PRORP: variants seen among roughly 807,000 people sequenced by gnomAD.
PRORP encodes protein only RNase P catalytic subunit, also known as mitochondrial ribonuclease P catalytic subunit.
In PRORP, 51 loss-of-function variants were observed where a neutral mutation model predicts 59.4. That is an observed-to-expected ratio of 0.86 (90% CI 0.69 to 1.08). The LOEUF (loss-of-function observed/expected upper bound fraction) is 1.08. Ranked by LOEUF, PRORP falls within the 50% of genes least tolerant of loss-of-function variation. PRORP has a pLI of 0.00. For missense variants in PRORP, 646 were observed against 690.3 expected (o/e 0.94, Z 0.72); for synonymous variants, 231 against 245.6 (o/e 0.94, Z 0.55).
Position 35,155,092 on chromosome 14 carries a change from C to T in PRORP, c.1168-25578C>T, listed in dbSNP as rs972799590. 2.6e-5 allele frequency among the ~76,000 whole-genome samples: 4 copies of T among 152,182 alleles called. No homozygotes were observed. In the South Asian group the frequency reaches 6.2e-4, roughly 24 times the overall value. On this transcript the variant is annotated intron_variant, in intron 4 of 7. Coordinates refer to ENST00000534898, the MANE Select transcript of PRORP (RefSeq NM_014672.4). ...TACTTTTTGTAGAGAGGGGGTTTCA[C>T]CATGTTGCCCAGGCTGGTCTCGAAC... is the stretch of plus-strand genomic sequence containing the variant.
At chr14:35,201,683 C>A (rs1017455680) in intron 5 of PRORP, among the ~76,000 whole-genome samples, 3 of 151,810 alleles carry the variant, frequency 2.0e-5, no homozygotes, top group African/African-American at 7.3e-5. Context: ...ACTCTTATCA[C>A]CCAGGCTGGA....
At chr14:35,269,859 G>A (rs548942439) in intron 6 of PRORP, among the ~76,000 whole-genome samples, 1 of 152,310 alleles carries the variant, frequency 6.6e-6, no homozygotes, top group African/African-American at 2.4e-5. Flanking sequence ...TTGATGGTCT[G>A]TTGGAGGCTT....
chr14:35,134,278 G>T (rs2047320990), intron 4 of PRORP, among the ~76,000 whole-genome samples: 1 of 152,180 alleles, frequency 6.6e-6, no homozygotes, highest in Non-Finnish European at 1.5e-5. Context: ...AGCCCACAGG[G>T]AGTTCTGCCA....
chr14:35,191,348 G>T (rs187523487), intron 5 of PRORP, among the ~76,000 whole-genome samples: 1 of 152,166 alleles, frequency 6.6e-6, no homozygotes, highest in Non-Finnish European at 1.5e-5. Flanking sequence ...CCCAAGCCAC[G>T]TGGAACTGTG....
At chr14:35,212,648 G>A (rs185694909) in intron 5 of PRORP, among the ~76,000 whole-genome samples, 1 of 152,312 alleles carries the variant, frequency 6.6e-6, no homozygotes, top group African/African-American at 2.4e-5. Flanking sequence ...GGAAACAGAT[G>A]TGCCATCATC....
At chr14:35,187,431 T>TG (rs999024300) in intron 5 of PRORP, among the ~76,000 whole-genome samples, 1 of 150,264 alleles carries the variant, frequency 6.7e-6, no homozygotes, top group Non-Finnish European at 1.5e-5. Context: ...TTTCTTTGTT[T>TG]TTTTTTTTTT....
chr14:35,169,564 GTA>G (rs901056029), intron 4 of PRORP, among the ~76,000 whole-genome samples: 1 of 152,188 alleles, frequency 6.6e-6, no homozygotes, highest in African/African-American at 2.4e-5. Flanking sequence ...AGGCAAGAGA[GTA>G]TGTGAGAGCA....
At chr14:35,192,925 C>T (rs954154848) in intron 5 of PRORP, among the ~76,000 whole-genome samples, 2 of 150,830 alleles carry the variant, frequency 1.3e-5, no homozygotes, top group African/African-American at 4.9e-5. Context: ...ACCCGGGAGC[C>T]AGAGGTTGAG....
chr14:35,179,935 T>G (rs2048557152), intron 4 of PRORP, among the ~76,000 whole-genome samples: 1 of 152,220 alleles, frequency 6.6e-6, no homozygotes, highest in Non-Finnish European at 1.5e-5. Context: ...TTTCTGTTTG[T>G]TAATTTTCCT....
chr14:35,167,079 G>GTGCTTGTCT (rs1325078793), intron 4 of PRORP, among the ~76,000 whole-genome samples: 7 of 152,120 alleles, frequency 4.6e-5, no homozygotes, highest in Non-Finnish European at 8.8e-5. Context: ...TTGGTGTCAT[G>GTGCTTGTCT]TGCTTGTCTT....
At chr14:35,161,209 C>T (rs2048050933) in intron 4 of PRORP, among the ~76,000 whole-genome samples, 1 of 152,178 alleles carries the variant, frequency 6.6e-6, no homozygotes, top group African/African-American at 2.4e-5. Context: ...TTACCTAAAG[C>T]ACATACAGGG....
At chr14:35,258,382 TG>T (rs1204455888) in intron 5 of PRORP, among the ~76,000 whole-genome samples, 2 of 151,944 alleles carry the variant, frequency 1.3e-5, no homozygotes, top group Non-Finnish European at 2.9e-5. Context: ...TTAACCCCGA[TG>T]GTAATCAGAA....
rs1399814352 is a variant in PRORP, at chr14:35,123,875, T to C, written c.630T>C (p.Pro210=). Reference sequence around the variant, plus strand: ...AAGCCAGATATAAGACTTTAGAACCTAGAGGTTACAGTCTTCTCATCCGGG... The same window carrying C: ...AAGCCAGATATAAGACTTTAGAACCCAGAGGTTACAGTCTTCTCATCCGGG... ...IMKARYKTLE[P]RGYSLLIRGL... The change falls in exon 2 of 8, where the codon CCT becomes CCC. Residue 210 remains proline (P), a synonymous_variant. Transcript: ENST00000534898. 1.2e-6 allele frequency: 2 copies of C among 1,614,068 alleles called. No homozygotes were observed. The highest frequency in any genetic ancestry group is 1.7e-6 in the Non-Finnish European group (2 of 1,180,026).
chr14:35,222,524 A>G (rs1184419695), intron 5 of PRORP: 1 of 152,242 alleles, frequency 6.6e-6, no homozygotes, highest in Admixed American at 6.5e-5. Context: ...ATTTCTATAA[A>G]TCATCTGGCA....
chr14:35,129,627 A>T (rs139649197), intron 4 of PRORP, among the ~76,000 whole-genome samples: 2,202 of 150,862 alleles, frequency 0.015, 43 homozygotes, highest in African/African-American at 0.047. Flanking sequence ...GGCGCACACC[A>T]CCATGCCCAG....
chr14:35,177,632 C>G (rs111751247), intron 4 of PRORP, among the ~76,000 whole-genome samples: 28,027 of 151,958 alleles, frequency 0.18, 2,838 homozygotes, highest in Admixed American at 0.27. Flanking sequence ...AGTCTTCTCT[C>G]TTTTCTTCTT....
intron 4 of PRORP, among the ~76,000 whole-genome samples, chr14:35,168,973 T>C (rs2048250956): frequency 6.6e-6 from 1 of 152,124 alleles, no homozygotes; most frequent in South Asian, 2.1e-4. Context: ...TATTAGCTTT[T>C]CCTATTTCTT....
chr14:35,238,296 T>G (rs1309349091), intron 5 of PRORP, among the ~76,000 whole-genome samples: 1 of 152,210 alleles, frequency 6.6e-6, no homozygotes, highest in African/African-American at 2.4e-5. Context: ...GGTATGCATT[T>G]GTAATTCCCA....
At chr14:35,209,182 A>T (rs1040118996) in intron 5 of PRORP, among the ~76,000 whole-genome samples, 6 of 152,208 alleles carry the variant, frequency 3.9e-5, no homozygotes, top group African/African-American at 1.4e-4. Context: ...TCAAAAAAAA[A>T]AAAGTTATTA....
Sources: gnomAD v4.1 joint callset for allele counts (sites outside exome capture counted in the v4.1 genomes callset) on GRCh38, gnomAD v4.1.1 for gene constraint, MANE v1.5 for transcripts, NCBI Gene and HGNC (gene_info 2026-07-23, HGNC 2026-07-21) for gene names.